The following EIF3L variants were observed in gnomAD, a reference collection of about 807,000 sequenced individuals.
EIF3L encodes eukaryotic translation initiation factor 3 subunit L, also known as eIEF associated protein HSPC021.
In EIF3L, 32 loss-of-function variants were observed where a neutral mutation model predicts 74.6. The ratio of observed to expected loss-of-function variants is 0.43; its 90% CI spans 0.32 to 0.58. The LOEUF (loss-of-function observed/expected upper bound fraction) is 0.58. Among genes scored for constraint, EIF3L ranks in the 20% least tolerant of loss-of-function variants. The probability of loss-of-function intolerance (pLI) is 0.06; values close to 1 mark genes in which losing one functional copy is unlikely to be tolerated. For missense variants in EIF3L, 474 were observed against 707.8 expected (o/e 0.67, Z 3.75); for synonymous variants, 256 against 254.4 (o/e 1.01, Z -0.06).
chr22:37,867,869 GGCGTGAA>G (rs1485480744), intron 7 of EIF3L, among the ~76,000 whole-genome samples: 1 of 150,276 alleles, frequency 6.7e-6, no homozygotes, highest in African/African-American at 2.5e-5. Flanking sequence ...GCAGGAGAAT[GGCGTGAA>G]CCCAGGAGGC....
chr22:37,850,282 A>G (rs1261290215), intron 2 of EIF3L, among the ~76,000 whole-genome samples: 4 of 152,156 alleles, frequency 2.6e-5, no homozygotes, highest in African/African-American at 4.8e-5. Context: ...TTACCTGGCT[A>G]TGGTTTTCTT....
chr22:37,856,604 G>A (rs1372842562), intron 4 of EIF3L, among the ~76,000 whole-genome samples: 1 of 152,114 alleles, frequency 6.6e-6, no homozygotes, highest in Non-Finnish European at 1.5e-5. Flanking sequence ...AAGCACTTTG[G>A]GAGGCCGAGG....
intron 3 of EIF3L, among the ~76,000 whole-genome samples, chr22:37,854,577 C>T (rs184280004): frequency 6.1e-4 from 93 of 152,348 alleles, no homozygotes; most frequent in African/African-American, 2.1e-3. Flanking sequence ...AAGCGATTCT[C>T]CTGCCTCAGC....
At chr22:37,864,712 TATTTTTAGTAG>T (rs1277906070) in intron 7 of EIF3L, among the ~76,000 whole-genome samples, 1 of 152,106 alleles carries the variant, frequency 6.6e-6, no homozygotes, top group African/African-American at 2.4e-5. Context: ...CTAATTTTTG[TATTTTTAGTAG>T]AGACGGGGTT....
intron 3 of EIF3L, among the ~76,000 whole-genome samples, chr22:37,854,116 T>C (rs1925371369): frequency 6.6e-6 from 1 of 152,178 alleles, no homozygotes. Context: ...TTAAGAAGTA[T>C]GTTTCTTTAG....
chr22:37,888,716 TC>T lies in EIF3L; in HGVS notation c.*253del. The T allele has an allele frequency of 4.0e-6, 2 of 499,706 alleles. No homozygotes were observed. The highest frequency in any genetic ancestry group is 7.1e-6 in the Non-Finnish European group (2 of 282,622). The allele number at this position is 499,706 out of a possible 1,614,324, so 31.0% of individuals were successfully genotyped here. A position where few individuals can be genotyped will look rare whatever the true frequency, so the allele number is the denominator to read the frequency against. On this transcript the variant is annotated 3_prime_UTR_variant, in exon 13 of 13. Transcript: ENST00000652021. ...TGTGTCCTGATGCTTTCAGGATACA[TC>T]AGTTGTTAGTGTTTAAATTGAGTTA...
rs1236048242 is a variant in EIF3L, at chr22:37,889,056, T to C, written c.*592T>C. The C allele has an allele frequency of 6.6e-6, 1 of 152,178 alleles. No homozygotes were observed. The highest frequency in any genetic ancestry group is 2.4e-5 in the African/African-American group (1 of 41,380). 9.4% of individuals were successfully genotyped at this position (152,178 alleles called of 1,614,324 possible). A position where few individuals can be genotyped will look rare whatever the true frequency, so the allele number is the denominator to read the frequency against. ...ACGCCCCGCCTAAATTCAAAATCTT[T>C]TTGTTTTTTTTTAGACGGAGTCTCA... On this transcript the variant is annotated 3_prime_UTR_variant, in exon 13 of 13. Transcript: ENST00000652021.
chr22:37,865,088 T>C (rs118043616), intron 7 of EIF3L, among the ~76,000 whole-genome samples: 1 of 152,186 alleles, frequency 6.6e-6, no homozygotes, highest in Non-Finnish European at 1.5e-5. Flanking sequence ...AAATACAGAT[T>C]GCTCACAACT....
Position 37,877,763 on chromosome 22 carries a change from G to T in EIF3L, c.1167G>T (p.Gln389His). 1 of 1,613,884 alleles carries T rather than the reference G, an allele frequency of 6.2e-7. No individual in the cohort carries two copies. Among genetic ancestry groups the T allele is most frequent in the Non-Finnish European group, 8.5e-7 (1 of 1,179,866 alleles). The change falls in exon 11 of 13, where the codon CAG (glutamine) becomes CAT (histidine). Residue 389 changes from glutamine (Q) to histidine (H), a missense_variant. Gln to His is a conservative substitution (Grantham distance 24). Coordinates refer to ENST00000652021, the MANE Select transcript of EIF3L (RefSeq NM_016091.4). Reference sequence around the variant, plus strand: ...GTATTGATGAGAGCATTCACCTCCAGCTGCGGGAGAAATATGGGGACAAGA... The same window carrying T: ...GTATTGATGAGAGCATTCACCTCCATCTGCGGGAGAAATATGGGGACAAGA... Reference protein sequence around the residue: ...PMRIDESIHLQLREKYGDKML... With the variant: ...PMRIDESIHLHLREKYGDKML...
At chr22:37,856,509 C>T (rs929718384) in intron 4 of EIF3L, among the ~76,000 whole-genome samples, 1 of 152,190 alleles carries the variant, frequency 6.6e-6, no homozygotes, top group Non-Finnish European at 1.5e-5. Flanking sequence ...TGTGCCCAGC[C>T]ACATTGTCTT....
In EIF3L at chr22:37,877,666, A is replaced by G. The variant is rs1257608927; in HGVS notation, c.1078-8A>G. On this transcript the variant is annotated splice_region_variant and splice_polypyrimidine_tract_variant and intron_variant, in intron 10 of 12. Transcript: ENST00000652021. ...TTGACCCAGTACCACTCTCCACCCC[A>G]TCCCCAGATTAACAAGCAGAATGAG... is the stretch of plus-strand genomic sequence containing the variant. 3 of 1,585,990 alleles carry G rather than the reference A, an allele frequency of 1.9e-6. No homozygotes were observed. The highest frequency in any genetic ancestry group is 2.6e-6 in the Non-Finnish European group (3 of 1,165,216).
chr22:37,867,917 T>C (rs1926240848), intron 7 of EIF3L, among the ~76,000 whole-genome samples: 2 of 135,766 alleles, frequency 1.5e-5, no homozygotes, highest in Non-Finnish European at 1.5e-5. Context: ...ATTGCACCAC[T>C]GCACTCCAGC....
In EIF3L at chr22:37,877,911, C is replaced by T. The variant is rs1327666008; in HGVS notation, c.1315C>T (p.Pro439Ser). 3.1e-6 allele frequency: 5 copies of T among 1,612,716 alleles called. No homozygotes were observed. The highest frequency in any genetic ancestry group is 4.2e-6 in the Non-Finnish European group (5 of 1,179,864). Residue 439 changes from proline (P) to serine (S), a missense_variant, in exon 11 of 13, where the codon CCC becomes TCC. Physicochemically the swap from Pro to Ser is moderately conservative, Grantham distance 74. Transcript: ENST00000652021. ...TGTGCACCCCAACTACCACAAAGAG[C>T]CCTTCCTGCAGCAGCTGAAGGTGTT... ...DNVHPNYHKEPFLQQLKVFSD... is the reference protein window; with the variant it reads ...DNVHPNYHKESFLQQLKVFSD...
chr22:37,873,900 G>A (rs1926611524), intron 8 of EIF3L, among the ~76,000 whole-genome samples: 1 of 152,186 alleles, frequency 6.6e-6, no homozygotes, highest in Non-Finnish European at 1.5e-5. Flanking sequence ...ATGGCAAGAA[G>A]CAATGCAGTG....
At chr22:37,861,844 CTGTT>C (rs1925875262) in intron 5 of EIF3L, among the ~76,000 whole-genome samples, 3 of 152,164 alleles carry the variant, frequency 2.0e-5, no homozygotes, top group South Asian at 4.1e-4. Flanking sequence ...TCTAATCTCT[CTGTT>C]TGGTCTGTAG....
chr22:37,875,164 T>C (rs1569120583), intron 9 of EIF3L, among the ~76,000 whole-genome samples: 2 of 149,856 alleles, frequency 1.3e-5, no homozygotes, highest in Admixed American at 6.6e-5. Flanking sequence ...AGGTCAGGAG[T>C]TCGAGACCAG....
intron 7 of EIF3L, among the ~76,000 whole-genome samples, chr22:37,866,662 T>A (rs1030715792): frequency 2.0e-5 from 3 of 152,206 alleles, no homozygotes; most frequent in African/African-American, 7.2e-5. Flanking sequence ...GGCAGGTACC[T>A]GTAATCCCAG....
At chr22:37,887,017 C>A in intron 12 of EIF3L, 172 bp downstream of exon 12, 1 of 468,266 alleles carries the variant, frequency 2.1e-6, no homozygotes, top group Non-Finnish European at 4.1e-6. Flanking sequence ...CAACCTCTGC[C>A]TCCTGGGTTC....
intron 9 of EIF3L, 116 bp downstream of exon 9, chr22:37,874,640 C>A: frequency 2.4e-6 from 3 of 1,247,626 alleles, no homozygotes; most frequent in Admixed American, 3.0e-5. Context: ...TTCCCTCAGG[C>A]CATTGAAAGT....
Sources: allele counts gnomAD v4.1 joint callset (sites outside exome capture counted in the v4.1 genomes callset), GRCh38; gene constraint gnomAD v4.1.1; transcripts MANE v1.5; gene names NCBI Gene and HGNC (gene_info 2026-07-23, HGNC 2026-07-21).